The following CNBD1 variants were observed in gnomAD, a reference collection of about 807,000 sequenced individuals.
The protein encoded by CNBD1 is cyclic nucleotide-binding domain-containing protein 1.
In CNBD1, 71 loss-of-function variants were observed where a neutral mutation model predicts 54.4. The ratio of observed to expected loss-of-function variants is 1.30; its 90% CI spans 1.08 to 1.59. CNBD1 has a LOEUF of 1.59. Among genes scored for constraint, CNBD1 ranks in the 40% most tolerant of loss-of-function variants. CNBD1 has a pLI of 0.00. For missense variants in CNBD1, 659 were observed against 518.0 expected (o/e 1.27, Z -2.64); for synonymous variants, 182 against 170.7 (o/e 1.07, Z -0.51).
At chr8:87,228,592 G>A (rs893344513) in intron 5 of CNBD1, among the ~76,000 whole-genome samples, 4 of 151,020 alleles carry the variant, frequency 2.6e-5, no homozygotes, top group East Asian at 1.9e-4. Context: ...GAGGCAGTCC[G>A]CCCGTTCTCA....
At chr8:87,285,233 G>A (rs10111160) in intron 7 of CNBD1, among the ~76,000 whole-genome samples, 42,695 of 151,928 alleles carry the variant, frequency 0.28, 6,417 homozygotes, top group African/African-American at 0.39. Flanking sequence ...ATACTTGAAT[G>A]TGATTGCCAT....
chr8:87,087,850 A>G (rs775153586), intron 4 of CNBD1, among the ~76,000 whole-genome samples: 3 of 152,142 alleles, frequency 2.0e-5, no homozygotes, highest in Non-Finnish European at 2.9e-5. Flanking sequence ...CATTTTACAG[A>G]TGAGGTAATG....
intron 5 of CNBD1, among the ~76,000 whole-genome samples, chr8:87,234,006 G>T (rs1043026679): frequency 2.0e-5 from 3 of 152,138 alleles, no homozygotes; most frequent in Non-Finnish European, 4.4e-5. Flanking sequence ...ATTAGAAGTA[G>T]ATTTCATCTA....
intron 2 of CNBD1, among the ~76,000 whole-genome samples, chr8:87,402,787 G>T (rs1045380834): frequency 6.6e-6 from 1 of 152,064 alleles, no homozygotes; most frequent in Admixed American, 6.6e-5. Context: ...TCAGATATAT[G>T]TGGAGTAGAA....
At chr8:87,092,507 GTGTGTGTGTA>G (rs906655625) in intron 4 of CNBD1, among the ~76,000 whole-genome samples, 9 of 139,858 alleles carry the variant, frequency 6.4e-5, no homozygotes, top group East Asian at 6.1e-4. Context: ...ATATATATGT[GTGTGTGTGTA>G]TGTGTGTGTA....
At chr8:87,403,648 A>T (rs967308358) in intron 2 of CNBD1, among the ~76,000 whole-genome samples, 2 of 151,980 alleles carry the variant, frequency 1.3e-5, no homozygotes, top group African/African-American at 4.8e-5. Context: ...GGCACTCATT[A>T]AAGGGAAGTA....
chr8:87,377,127 A>T (rs1478747750), intron 10 of CNBD1, among the ~76,000 whole-genome samples: 2 of 123,930 alleles, frequency 1.6e-5, no homozygotes, highest in African/African-American at 6.0e-5. Context: ...TTGTAATTTT[A>T]TTTTATTTAT....
At chr8:87,278,202 T>C (rs544282106) in intron 6 of CNBD1, among the ~76,000 whole-genome samples, 54 of 151,622 alleles carry the variant, frequency 3.6e-4, no homozygotes, top group Non-Finnish European at 7.5e-4. Context: ...AATGAAAAAT[T>C]CTGATAAGTA....
chr8:86,898,968 A>C (rs1808890927), intron 2 of CNBD1, among the ~76,000 whole-genome samples: 1 of 152,192 alleles, frequency 6.6e-6, no homozygotes, highest in Non-Finnish European at 1.5e-5. Context: ...AATGTGGTTT[A>C]TATACCCAAT....
rs114451213 is a variant in CNBD1 at position 87,278,001 on chromosome 8, T to G, written c.772-6677T>G. On this transcript the variant is annotated intron_variant, in intron 6 of 10. Coordinates refer to ENST00000518476, the MANE Select transcript of CNBD1 (RefSeq NM_173538.3). ...AGAAACTAGAATTGTGAACAATAAATAAGAAAATGGAAGCTTCATAACTTA... is the reference window on the plus strand; with the variant it reads ...AGAAACTAGAATTGTGAACAATAAAGAAGAAAATGGAAGCTTCATAACTTA... 7.3e-3 allele frequency among the ~76,000 whole-genome samples: 1,100 copies of G among 151,566 alleles called. 12 individuals carry two copies. Among genetic ancestry groups the G allele is most frequent in the African/African-American group, 0.025 (1,033 of 41,410 alleles).
intron 4 of CNBD1, among the ~76,000 whole-genome samples, chr8:87,000,893 G>T (rs564874907): frequency 6.6e-6 from 1 of 152,012 alleles, no homozygotes; most frequent in Non-Finnish European, 1.5e-5. Context: ...AGTAGACTAG[G>T]TCTCAATATT....
chr8:87,071,680 T>A (rs1207378215), intron 4 of CNBD1, among the ~76,000 whole-genome samples: 2 of 152,128 alleles, frequency 1.3e-5, no homozygotes, highest in African/African-American at 4.8e-5. Flanking sequence ...TTTGAGAGAC[T>A]GTTGTTATTT....
At chr8:86,951,857 C>T (rs1222305806) in intron 4 of CNBD1, among the ~76,000 whole-genome samples, 1 of 151,808 alleles carries the variant, frequency 6.6e-6, no homozygotes, top group Non-Finnish European at 1.5e-5. Flanking sequence ...AAAAATCAAG[C>T]TGGGAAGTAC....
intron 4 of CNBD1, among the ~76,000 whole-genome samples, chr8:87,029,058 T>C (rs1809721698): frequency 6.6e-6 from 1 of 152,198 alleles, no homozygotes; most frequent in African/African-American, 2.4e-5. Flanking sequence ...TTTAAACTTA[T>C]ATTTATTCTA....
At chr8:87,334,381 G>T (rs1227678180) in intron 8 of CNBD1, among the ~76,000 whole-genome samples, 2 of 151,822 alleles carry the variant, frequency 1.3e-5, no homozygotes, top group African/African-American at 4.8e-5. Context: ...ATCTCCTTCA[G>T]TTCCACTCTG....
intron 4 of CNBD1, among the ~76,000 whole-genome samples, chr8:87,038,449 C>G (rs1356395177): frequency 6.6e-6 from 1 of 152,060 alleles, no homozygotes; most frequent in Non-Finnish European, 1.5e-5. Flanking sequence ...GAAAAATGGT[C>G]CTCTTCTGGA....
Position 87,348,839 on chromosome 8 carries a change from G to A in CNBD1, c.1043-2846G>A, listed in dbSNP as rs189152791. On this transcript the variant is annotated intron_variant, in intron 8 of 10. Transcript: ENST00000518476. ...GAATAAAATGATTTTATTAGACTTG[G>A]GACTATTTCTGGGCGTATGATAAAC... 4.6e-5 allele frequency among the ~76,000 whole-genome samples: 7 copies of A among 152,162 alleles called. No individual in the cohort carries two copies. The East Asian group carries it at 9.7e-4, about 21-fold the overall frequency.
At chr8:87,222,504 G>A (rs1313298416) in intron 5 of CNBD1, among the ~76,000 whole-genome samples, 2 of 152,108 alleles carry the variant, frequency 1.3e-5, no homozygotes, top group Admixed American at 1.3e-4. Context: ...GCAGGGCTGA[G>A]GTCAGAAAAG....
intron 4 of CNBD1, among the ~76,000 whole-genome samples, chr8:87,086,761 A>G (rs1205843890): frequency 3.3e-5 from 5 of 152,202 alleles, no homozygotes; most frequent in East Asian, 1.9e-4. Flanking sequence ...ATAAAACAAA[A>G]CAAAATATTA....
Sources: allele counts gnomAD v4.1 joint callset (sites outside exome capture counted in the v4.1 genomes callset), GRCh38; gene constraint gnomAD v4.1.1; transcripts MANE v1.5; gene names NCBI Gene and HGNC (gene_info 2026-07-23, HGNC 2026-07-21).